SCFD2: variants seen among roughly 807,000 people sequenced by gnomAD.
The protein encoded by SCFD2 is sec1 family domain containing 2.
SCFD2 carries 54 observed loss-of-function variants against 58.9 expected under a neutral mutation model. That is an observed-to-expected ratio of 0.92 (90% CI 0.74 to 1.15). SCFD2 has a LOEUF of 1.15. SCFD2 is among the 50% of genes most tolerant of loss of function. The probability of loss-of-function intolerance (pLI) is 0.00; values close to 1 mark genes in which losing one functional copy is unlikely to be tolerated. For missense variants in SCFD2, 805 were observed against 836.6 expected (o/e 0.96, Z 0.47); for synonymous variants, 321 against 335.9 (o/e 0.96, Z 0.49).
intron 5 of SCFD2, among the ~76,000 whole-genome samples, chr4:52,947,073 T>C (rs940427230): frequency 2.0e-5 from 3 of 152,182 alleles, no homozygotes; most frequent in African/African-American, 7.2e-5. Context: ...GCTCCTGCAC[T>C]GTTCTTACAG....
At chr4:53,284,685 G>T (rs1731610312) in intron 3 of SCFD2, among the ~76,000 whole-genome samples, 1 of 152,074 alleles carries the variant, frequency 6.6e-6, no homozygotes, top group African/African-American at 2.4e-5. Flanking sequence ...AAACAAGAAA[G>T]AAATATGGTT....
At chr4:53,327,888 T>C (rs1360887656) in intron 2 of SCFD2, among the ~76,000 whole-genome samples, 2 of 152,114 alleles carry the variant, frequency 1.3e-5, no homozygotes, top group Admixed American at 6.5e-5. Context: ...GGCCTCACTT[T>C]GGGAGGCCAA....
intron 5 of SCFD2, among the ~76,000 whole-genome samples, chr4:53,142,794 A>C (rs147534983): frequency 9.3e-4 from 141 of 152,296 alleles, no homozygotes; most frequent in Non-Finnish European, 1.6e-3. Flanking sequence ...ATACTGGCCA[A>C]GTAAGTCTAT....
chr4:53,264,623 A>C (rs1730926137), intron 4 of SCFD2, among the ~76,000 whole-genome samples: 1 of 152,222 alleles, frequency 6.6e-6, no homozygotes, highest in African/African-American at 2.4e-5. Flanking sequence ...TGAAGTCAGG[A>C]ATGGCACTAA....
At chr4:53,200,801 C>G (rs1489423639) in intron 4 of SCFD2, among the ~76,000 whole-genome samples, 2 of 152,080 alleles carry the variant, frequency 1.3e-5, no homozygotes, top group South Asian at 4.1e-4. Flanking sequence ...TTCTAGAAGA[C>G]TCAACCTCAT....
At chr4:53,255,194 C>CTTTT (rs1553892846) in intron 4 of SCFD2, among the ~76,000 whole-genome samples, 1 of 83,398 alleles carries the variant, frequency 1.2e-5, no homozygotes, top group Non-Finnish European at 2.7e-5. Context: ...CTTTTTTTTT[C>CTTTT]TTTTTTATTT....
chr4:53,296,984 C>T (rs192576447), intron 3 of SCFD2, among the ~76,000 whole-genome samples: 5 of 152,124 alleles, frequency 3.3e-5, no homozygotes, highest in East Asian at 1.9e-4. Context: ...CTAATTTGAT[C>T]GTACTGTGGT....
At chr4:53,098,546 G>A (rs762669896) in intron 5 of SCFD2, among the ~76,000 whole-genome samples, 3 of 152,116 alleles carry the variant, frequency 2.0e-5, no homozygotes, top group Admixed American at 6.6e-5. Flanking sequence ...GTATTTCTGT[G>A]GGATTGGTGG....
At chr4:53,212,077 C>T (rs1165141765) in intron 4 of SCFD2, among the ~76,000 whole-genome samples, 1 of 152,046 alleles carries the variant, frequency 6.6e-6, no homozygotes, top group Non-Finnish European at 1.5e-5. Context: ...ATGGATAGTA[C>T]ACCCCCCAAC....
chr4:53,354,001 A>G (rs1186226742), intron 1 of SCFD2, among the ~76,000 whole-genome samples: 1 of 152,246 alleles, frequency 6.6e-6, no homozygotes, highest in African/African-American at 2.4e-5. Flanking sequence ...CACCCAACTC[A>G]AGAGCCCAGC....
chr4:53,043,434 A>C (rs970700584), intron 5 of SCFD2, among the ~76,000 whole-genome samples: 1 of 152,210 alleles, frequency 6.6e-6, no homozygotes, highest in East Asian at 1.9e-4. Context: ...AGCCATGCTT[A>C]ATTTTAAATA....
At chr4:53,220,086 C>T (rs1729004047) in intron 4 of SCFD2, among the ~76,000 whole-genome samples, 1 of 152,208 alleles carries the variant, frequency 6.6e-6, no homozygotes, top group Non-Finnish European at 1.5e-5. Flanking sequence ...TTCAAGTCTC[C>T]ACTCAAATAT....
rs78899372 is a variant in SCFD2, at chr4:53,224,405, G to C, written c.1311+49421C>G. On this transcript the variant is annotated intron_variant, in intron 4 of 8. Coordinates refer to ENST00000401642, the MANE Select transcript of SCFD2 (RefSeq NM_152540.4). Reference sequence around the variant, plus strand: ...CTCCGTCTCAAAAAAAAAAAAAAAAGAGTCTTACATTTTCTGCCAGTTCCC... The same window carrying C: ...CTCCGTCTCAAAAAAAAAAAAAAAACAGTCTTACATTTTCTGCCAGTTCCC... 2.9e-5 allele frequency among the ~76,000 whole-genome samples: 3 copies of C among 102,148 alleles called. No homozygotes were observed. The South Asian group carries it at 9.9e-4, about 34-fold the overall frequency. 67.0% of individuals were successfully genotyped at this position (102,148 alleles called of 152,430 possible). A position where few individuals can be genotyped will look rare whatever the true frequency, so the allele number is the denominator to read the frequency against.
At chr4:53,141,866 A>G (rs1194303720) in intron 5 of SCFD2, among the ~76,000 whole-genome samples, 3 of 152,068 alleles carry the variant, frequency 2.0e-5, no homozygotes, top group African/African-American at 7.2e-5. Flanking sequence ...AGAAAGACCA[A>G]TTTGCTTTCT....
chr4:53,153,496 A>G (rs576304632), intron 4 of SCFD2, among the ~76,000 whole-genome samples: 1 of 152,350 alleles, frequency 6.6e-6, no homozygotes, highest in East Asian at 1.9e-4. Flanking sequence ...GTGGGGCCTC[A>G]GATCTGGCCC....
intron 5 of SCFD2, among the ~76,000 whole-genome samples, chr4:53,129,042 T>C (rs1431489012): frequency 1.3e-5 from 2 of 152,236 alleles, no homozygotes; most frequent in East Asian, 3.8e-4. Flanking sequence ...CATTTTACAG[T>C]ATAATTTGGC....
rs1482506071 is a variant in SCFD2, at chr4:53,365,776, G to A, written c.166C>T (p.Leu56=). 3.7e-6 allele frequency: 6 copies of A among 1,613,908 alleles called. No homozygotes were observed. The East Asian group carries it at 1.3e-4, about 36-fold the overall frequency. ...ATTGCGTCGGGCTCGAACTCTCGCA[G>A]GTGACAGTCAGGACCCCCCACCGCC... ...LEAVGGPDCH[L]REFEPDAIGG... is the part of the protein sequence containing the mutation. The change falls in exon 1 of 9, where the codon CTG becomes TTG. Residue 56 remains leucine (L), a synonymous_variant. Coordinates refer to ENST00000401642, the MANE Select transcript of SCFD2 (RefSeq NM_152540.4). This position sits in a 1 kb window ranked among gnomAD's most constrained non-coding sequence, Gnocchi z 4.3.
intron 5 of SCFD2, among the ~76,000 whole-genome samples, chr4:53,118,662 C>A (rs1044900082): frequency 6.6e-6 from 1 of 152,004 alleles, no homozygotes; most frequent in Non-Finnish European, 1.5e-5. Context: ...ACCCAGAGGG[C>A]GGGACACAAA....
intron 5 of SCFD2, among the ~76,000 whole-genome samples, chr4:53,122,398 TCTGACCTCTGAACC>T (rs1200007921): frequency 2.0e-5 from 3 of 151,298 alleles, no homozygotes; most frequent in African/African-American, 7.3e-5. Flanking sequence ...AATCCTGAAC[TCTGACCTCTGAACC>T]CTGACATGCT....
Sources: allele counts gnomAD v4.1 joint callset (sites outside exome capture counted in the v4.1 genomes callset), GRCh38; gene constraint gnomAD v4.1.1; non-coding constraint Gnocchi (gnomAD v3.1); transcripts MANE v1.5; gene names NCBI Gene and HGNC (gene_info 2026-07-23, HGNC 2026-07-21).